The following MALL variants were observed in gnomAD, a reference collection of about 807,000 sequenced individuals.
MALL encodes the protein mal, T cell differentiation protein like, also known as MAL-like protein.
A neutral mutation model predicts 10.3 loss-of-function variants in MALL; 2 were observed. That is an observed-to-expected ratio of 0.19 (90% CI 0.08 to 0.61). The LOEUF is 0.61. MALL is among the 20% of genes least tolerant of loss of function. The pLI is 0.88. For synonymous variants in MALL, 27 were observed against 51.8 expected (o/e 0.52, Z 2.05); for missense variants, 39 against 115.2 (o/e 0.34, Z 3.03).
chr2:110,099,251 G>A lies in MALL; in HGVS notation c.106-7481C>T, dbSNP rs570661264. On this transcript the variant is annotated intron_variant, in intron 1 of 3. Transcript: ENST00000272462. ...GAGAACTCAAACAGGAAGGCAGAGCGTCACCTTGCTTGACCTCAGCTGGGA... is the reference window on the plus strand; with the variant it reads ...GAGAACTCAAACAGGAAGGCAGAGCATCACCTTGCTTGACCTCAGCTGGGA... 4.6e-5 allele frequency among the ~76,000 whole-genome samples: 7 copies of A among 152,246 alleles called. No homozygotes were observed. The East Asian group carries it at 1.2e-3, about 25-fold the overall frequency.
At chr2:110,099,794 G>T (rs533155695) in intron 1 of MALL, among the ~76,000 whole-genome samples, 2 of 152,230 alleles carry the variant, frequency 1.3e-5, no homozygotes, top group East Asian at 3.9e-4. Context: ...ACTGTGCAGT[G>T]GTGAACCTGG....
intron 1 of MALL, among the ~76,000 whole-genome samples, chr2:110,107,797 C>T (rs1410070578): frequency 6.6e-6 from 1 of 152,180 alleles, no homozygotes; most frequent in African/African-American, 2.4e-5. Context: ...GCACCCTCTG[C>T]CACCTCCACC....
chr2:110,112,584 T>A (rs1044517260), intron 1 of MALL, among the ~76,000 whole-genome samples: 2 of 150,796 alleles, frequency 1.3e-5, no homozygotes, highest in Admixed American at 6.6e-5. Context: ...AAAAAAAAAA[T>A]AGATGTTGGT....
At position 110,112,563 on chromosome 2, in the gene MALL, A is replaced by G. The variant is rs1399132269; in HGVS notation, c.105+3125T>C. The stretch of plus-strand genomic sequence containing the variant: ...CCTTACTCCTGCAAGAATGGCCATA[A>G]TCAAAAAATCAAAAAAAAAATAGAT... On this transcript the variant is annotated intron_variant, in intron 1 of 3. Transcript: ENST00000272462. Among the ~76,000 whole-genome samples, 4 of 151,750 alleles carry G rather than the reference A, an allele frequency of 2.6e-5. No homozygotes were observed. In the East Asian group the frequency reaches 5.8e-4, roughly 22 times the overall value.
chr2:110,113,099 T>C (rs1678839295), intron 1 of MALL, among the ~76,000 whole-genome samples: 2 of 151,400 alleles, frequency 1.3e-5, no homozygotes, highest in African/African-American at 2.4e-5. Context: ...ACAGTGGACT[T>C]TGGGGACTTG....
At chr2:110,106,216 G>A (rs1028672477) in intron 1 of MALL, among the ~76,000 whole-genome samples, 8 of 152,280 alleles carry the variant, frequency 5.3e-5, no homozygotes, top group Non-Finnish European at 1.0e-4. Flanking sequence ...TAGTCATAAA[G>A]CATTTCCTTG....
rs563090260 is a variant in MALL, at chr2:110,104,620, T to C, written c.105+11068A>G. Among the ~76,000 whole-genome samples, 5 of 152,272 alleles carry C rather than the reference T, an allele frequency of 3.3e-5. No individual in the cohort carries two copies. The South Asian group carries it at 1.0e-3, about 32-fold the overall frequency. ...GTCCTAATCTGAACAAGAAAATGCG[T>C]CACCCATCAATCCAAGCCCTCCAAG... On this transcript the variant is annotated intron_variant, in intron 1 of 3. Transcript: ENST00000272462.
At chr2:110,108,510 T>C (rs1678740292) in intron 1 of MALL, among the ~76,000 whole-genome samples, 1 of 148,980 alleles carries the variant, frequency 6.7e-6, no homozygotes, top group Non-Finnish European at 1.5e-5. Flanking sequence ...AAAAAGAAAA[T>C]ATGAGCAAAG....
intron 1 of MALL, among the ~76,000 whole-genome samples, chr2:110,107,703 A>G (rs983106782): frequency 6.6e-6 from 1 of 152,178 alleles, no homozygotes; most frequent in African/African-American, 2.4e-5. Flanking sequence ...GCTTTTTGGA[A>G]AGTGTCACCT....
At chr2:110,105,818 G>T (rs1678675059) in intron 1 of MALL, among the ~76,000 whole-genome samples, 1 of 152,154 alleles carries the variant, frequency 6.6e-6, no homozygotes, top group Non-Finnish European at 1.5e-5. Flanking sequence ...TTCACTTTCA[G>T]TCCACAGAGA....
At chr2:110,100,774 G>C (rs978120460) in intron 1 of MALL, among the ~76,000 whole-genome samples, 6 of 152,126 alleles carry the variant, frequency 3.9e-5, no homozygotes, top group African/African-American at 9.7e-5. Context: ...TGCAGCAGGA[G>C]CCCCATCCCA....
chr2:110,107,267 G>A (rs1678716660), intron 1 of MALL, among the ~76,000 whole-genome samples: 1 of 152,128 alleles, frequency 6.6e-6, no homozygotes, highest in Admixed American at 6.5e-5. Context: ...GCCACCGGGG[G>A]AAGCTGGGGA....
intron 1 of MALL, among the ~76,000 whole-genome samples, chr2:110,111,521 A>T (rs796752362): frequency 2.0e-4 from 31 of 152,214 alleles, no homozygotes; most frequent in African/African-American, 7.2e-4. Flanking sequence ...GAATATACAT[A>T]ACAAAGGAGT....
intron 1 of MALL, among the ~76,000 whole-genome samples, chr2:110,100,472 C>G (rs1218472972): frequency 4.2e-5 from 2 of 47,872 alleles, no homozygotes; most frequent in African/African-American, 6.1e-5. Context: ...GACTCTGTCC[C>G]CCACCCTAAA....
intron 1 of MALL, among the ~76,000 whole-genome samples, chr2:110,103,002 T>G (rs1392509388): frequency 6.6e-6 from 1 of 151,696 alleles, no homozygotes; most frequent in African/African-American, 2.4e-5. Flanking sequence ...CTGGTGGGGG[T>G]ATCTGTGAAT....
intron 1 of MALL, among the ~76,000 whole-genome samples, chr2:110,098,045 C>T (rs759037709): frequency 9.9e-5 from 15 of 151,962 alleles, no homozygotes; most frequent in African/African-American, 2.4e-4. Flanking sequence ...AGGACACATG[C>T]GGGCGTTGCC....
chr2:110,092,735 T>A (rs1678398430), intron 1 of MALL, among the ~76,000 whole-genome samples: 1 of 124,806 alleles, frequency 8.0e-6, no homozygotes, highest in South Asian at 2.5e-4. Context: ...ATAATAATAA[T>A]AAAGAAATGC....
chr2:110,106,702 A>T (rs539098596), intron 1 of MALL, among the ~76,000 whole-genome samples: 2 of 152,254 alleles, frequency 1.3e-5, no homozygotes, highest in African/African-American at 2.4e-5. Context: ...CCACCCAGCA[A>T]TCATACGGGG....
chr2:110,111,643 A>G (rs184376134), intron 1 of MALL, among the ~76,000 whole-genome samples: 52 of 152,306 alleles, frequency 3.4e-4, no homozygotes, highest in African/African-American at 1.2e-3. Flanking sequence ...AATGTTGTGA[A>G]AATAACCATA....
Sources: allele counts gnomAD v4.1 joint callset (sites outside exome capture counted in the v4.1 genomes callset), GRCh38; gene constraint gnomAD v4.1.1; transcripts MANE v1.5; gene names NCBI Gene and HGNC (gene_info 2026-07-23, HGNC 2026-07-21).